Variants in BCL2L14 observed in about 807,000 individuals in gnomAD.
BCL2L14 encodes apoptosis facilitator Bcl-2-like protein 14.
Under a neutral mutation model 35.3 loss-of-function variants are expected in BCL2L14, and 27 were observed. The ratio of observed to expected loss-of-function variants is 0.76; its 90% CI spans 0.56 to 1.05. The LOEUF is 1.05. BCL2L14 is among the 50% of genes least tolerant of loss of function. BCL2L14 has a pLI of 0.00. For synonymous variants in BCL2L14, 139 were observed against 145.9 expected, an observed-to-expected ratio of 0.95 and a Z score of 0.34; for missense variants, 377 against 382.6, an observed-to-expected ratio of 0.99 and a Z score of 0.12.
intron 2 of BCL2L14, among the ~76,000 whole-genome samples, chr12:12,084,450 A>C (rs1240337607): frequency 6.6e-6 from 1 of 152,140 alleles, no homozygotes; most frequent in East Asian, 1.9e-4. Context: ...GCAGTCCATA[A>C]GGAAGTCACA....
At chr12:12,088,053 G>A (rs1163951872) in intron 3 of BCL2L14, among the ~76,000 whole-genome samples, 2 of 152,196 alleles carry the variant, frequency 1.3e-5, no homozygotes, top group East Asian at 3.8e-4. Flanking sequence ...AGTGGAGGTT[G>A]TGATGACGCA....
chr12:12,054,901 T>G (rs1244013629), intron 2 of BCL2L14: 2 of 142,352 alleles, frequency 1.4e-5, no homozygotes, highest in African/African-American at 5.2e-5. Flanking sequence ...TGACCTGAGA[T>G]CACACCACTG....
intron 2 of BCL2L14, 88 bp from the exon 3 acceptor site, chr12:12,087,125 G>A (rs1949062827): frequency 7.1e-7 from 1 of 1,405,872 alleles, no homozygotes; most frequent in Non-Finnish European, 9.9e-7. Flanking sequence ...ATTCTGGCCT[G>A]GTCTTTTCAT....
At chr12:12,073,496 A>T (rs1452495062) in intron 1 of BCL2L14, among the ~76,000 whole-genome samples, 1 of 152,164 alleles carries the variant, frequency 6.6e-6, no homozygotes, top group Non-Finnish European at 1.5e-5. Context: ...TGCTGCTGAA[A>T]TAGCATTAGC....
At chr12:12,062,689 C>T (rs1948543458) in intron 2 of BCL2L14, among the ~76,000 whole-genome samples, 1 of 152,102 alleles carries the variant, frequency 6.6e-6, no homozygotes, top group Non-Finnish European at 1.5e-5. Context: ...TAGGAAGAGG[C>T]CTTTCCTACA....
chr12:12,097,731 A>G (rs1280624759), intron 5 of BCL2L14, among the ~76,000 whole-genome samples: 1 of 152,226 alleles, frequency 6.6e-6, no homozygotes, highest in African/African-American at 2.4e-5. Flanking sequence ...TCTAGTAATC[A>G]AAAAGAGGAA....
chr12:12,051,077 T>A (rs1306404982), intron 1 of BCL2L14, among the ~76,000 whole-genome samples: 1 of 152,200 alleles, frequency 6.6e-6, no homozygotes. Context: ...TCAGGACTTT[T>A]CACTGTAGTA....
intron 2 of BCL2L14, among the ~76,000 whole-genome samples, chr12:12,056,362 G>A (rs1948432676): frequency 6.6e-6 from 1 of 152,094 alleles, no homozygotes; most frequent in East Asian, 1.9e-4. Context: ...TTTTTAGCCT[G>A]GCAATCAAGT....
At chr12:12,051,105 G>A (rs957061976) in intron 1 of BCL2L14, among the ~76,000 whole-genome samples, 1 of 152,192 alleles carries the variant, frequency 6.6e-6, no homozygotes, top group Non-Finnish European at 1.5e-5. Flanking sequence ...GCGTGAAATT[G>A]ACCTTGTAGG....
At chr12:12,088,050 G>T (rs754307832) in intron 3 of BCL2L14, among the ~76,000 whole-genome samples, 20 of 152,332 alleles carry the variant, frequency 1.3e-4, no homozygotes, top group Middle Eastern at 3.4e-3. Flanking sequence ...TACAGTGGAG[G>T]TTGTGATGAC....
intron 1 of BCL2L14, among the ~76,000 whole-genome samples, chr12:12,050,810 AAAAG>A (rs1555084772): frequency 4.5e-5 from 5 of 110,058 alleles, no homozygotes; most frequent in Non-Finnish European, 6.2e-5. Flanking sequence ...AAAAAAAAAA[AAAAG>A]AAAAGAAAAG....
At chr12:12,067,904 C>T (rs1362446895), upstream of BCL2L14, among the ~76,000 whole-genome samples, 1 of 152,078 alleles carries the variant, frequency 6.6e-6, no homozygotes, top group Non-Finnish European at 1.5e-5. Flanking sequence ...TGCCCCTTCC[C>T]TGTGTTAATA....
At chr12:12,058,413 G>T (rs944853850) in intron 2 of BCL2L14, among the ~76,000 whole-genome samples, 1 of 151,718 alleles carries the variant, frequency 6.6e-6, no homozygotes, top group African/African-American at 2.4e-5. Flanking sequence ...ACCACACTTG[G>T]CTAATTTTGT....
rs370254820 is a variant in BCL2L14, at chr12:12,053,266, A to G, written c.-272+1419A>G. Among the ~76,000 whole-genome samples, 12 of 152,360 alleles carry G rather than the reference A, an allele frequency of 7.9e-5. No individual in the cohort carries two copies. In the South Asian group the frequency reaches 1.2e-3, roughly 16 times the overall value. ...AAGGTTAAATAACTTGCCCAAGTCC[A>G]TAGGGCTAATCTAATAGCAGAGCTG... is the stretch of plus-strand genomic sequence containing the variant. On this transcript the variant is annotated intron_variant, in intron 2 of 3. Coordinates refer to the BCL2L14 transcript ENST00000461264.
chr12:12,061,527 T>C (rs56089751), intron 2 of BCL2L14, among the ~76,000 whole-genome samples: 39,800 of 151,054 alleles, frequency 0.26, 5,378 homozygotes, highest in Middle Eastern at 0.31. Flanking sequence ...TCAGGATCTA[T>C]GCCTTATCAA....
chr12:12,095,078 G>A, intron 5 of BCL2L14, 148 bp downstream of exon 5: 2 of 1,444,812 alleles, frequency 1.4e-6, no homozygotes, highest in Non-Finnish European at 1.8e-6. Flanking sequence ...AGATCCCATT[G>A]ATGGGAACAT....
chr12:12,074,023 G>A (rs1948726961), intron 1 of BCL2L14, among the ~76,000 whole-genome samples: 3 of 152,116 alleles, frequency 2.0e-5, no homozygotes, highest in Admixed American at 2.0e-4. Context: ...ATGCAAGACA[G>A]CCAGTTATGT....
chr12:12,061,028 G>T (rs139138993), intron 2 of BCL2L14, among the ~76,000 whole-genome samples: 77,304 of 96,392 alleles, frequency 0.8, 31,343 homozygotes, highest in East Asian at 0.9. Flanking sequence ...TAACTGTTGT[G>T]GGTATTGATG....
chr12:12,061,752 G>A (rs1473260033), intron 2 of BCL2L14, among the ~76,000 whole-genome samples: 7 of 152,156 alleles, frequency 4.6e-5, no homozygotes, highest in Admixed American at 2.0e-4. Context: ...ACTGCCGGAA[G>A]GCTTCACAGA....
Sources: allele counts gnomAD v4.1 joint callset (sites outside exome capture counted in the v4.1 genomes callset), GRCh38; gene constraint gnomAD v4.1.1; transcripts MANE v1.5; gene names NCBI Gene and HGNC (gene_info 2026-07-23, HGNC 2026-07-21).